The following GABRA2 variants were observed in gnomAD, a reference collection of about 807,000 sequenced individuals.
GABRA2 encodes the protein gamma-aminobutyric acid type A receptor subunit alpha2, also known as gamma-aminobutyric acid receptor subunit alpha-2.
A neutral mutation model predicts 48.7 loss-of-function variants in GABRA2; 16 were observed. The ratio of observed to expected loss-of-function variants is 0.33; its 90% CI spans 0.22 to 0.50. The LOEUF is 0.50. Among genes scored for constraint, GABRA2 ranks in the 20% least tolerant of loss-of-function variants. The probability of loss-of-function intolerance (pLI) is 0.98; values close to 1 mark genes in which losing one functional copy is unlikely to be tolerated. For synonymous variants in GABRA2, 185 were observed against 184.5 expected, an observed-to-expected ratio of 1.00 and a Z score of -0.02; for missense variants, 275 against 535.6, an observed-to-expected ratio of 0.51 and a Z score of 4.80.
At chr4:46,282,574 A>G (rs1377478152) in intron 8 of GABRA2, among the ~76,000 whole-genome samples, 1 of 152,208 alleles carries the variant, frequency 6.6e-6, no homozygotes, top group Admixed American at 6.5e-5. Context: ...CCCTTCAAAC[A>G]AAATCAAACA....
At chr4:46,272,384 A>G (rs1719506398) in intron 8 of GABRA2, among the ~76,000 whole-genome samples, 1 of 152,034 alleles carries the variant, frequency 6.6e-6, no homozygotes, top group Non-Finnish European at 1.5e-5. Context: ...TCTGTAATCA[A>G]TAAATATTTA....
chr4:46,375,552 C>A (rs886314869), intron 3 of GABRA2, among the ~76,000 whole-genome samples: 1 of 152,068 alleles, frequency 6.6e-6, no homozygotes. Flanking sequence ...ACTTAAACAC[C>A]CTCGACATCC....
intron 3 of GABRA2, among the ~76,000 whole-genome samples, chr4:46,337,411 A>G (rs1732443888): frequency 6.6e-6 from 1 of 152,052 alleles, no homozygotes; most frequent in African/African-American, 2.4e-5. Context: ...AGAGGATGGA[A>G]TGAGGTTGTA....
chr4:46,299,183 C>T (rs1330713124), intron 8 of GABRA2, among the ~76,000 whole-genome samples: 1 of 151,506 alleles, frequency 6.6e-6, no homozygotes, highest in Non-Finnish European at 1.5e-5. Flanking sequence ...TAATAACAAG[C>T]AAATGTTTAT....
intron 3 of GABRA2, among the ~76,000 whole-genome samples, chr4:46,375,140 A>G (rs990352491): frequency 5.3e-5 from 8 of 152,104 alleles, no homozygotes; most frequent in Non-Finnish European, 1.2e-4. Context: ...AATTACTTAA[A>G]CTGCAAAATC....
chr4:46,339,331 T>C (rs551690884), intron 3 of GABRA2, among the ~76,000 whole-genome samples: 1 of 152,014 alleles, frequency 6.6e-6, no homozygotes, highest in Admixed American at 6.6e-5. Flanking sequence ...ATTTCCATTA[T>C]CACAGAAAGT....
intron 7 of GABRA2, among the ~76,000 whole-genome samples, chr4:46,304,983 A>G (rs1419730794): frequency 6.6e-6 from 1 of 151,670 alleles, no homozygotes; most frequent in Admixed American, 6.6e-5. Flanking sequence ...TACTACTCTG[A>G]GAAGACACAT....
At chr4:46,309,889 G>A (rs1727339987) in intron 6 of GABRA2, among the ~76,000 whole-genome samples, 1 of 151,994 alleles carries the variant, frequency 6.6e-6, no homozygotes. Flanking sequence ...GAAAAAGAAG[G>A]TAAATTACAG....
At chr4:46,337,740 G>A (rs971887762) in intron 3 of GABRA2, among the ~76,000 whole-genome samples, 7 of 151,758 alleles carry the variant, frequency 4.6e-5, no homozygotes, top group Non-Finnish European at 8.8e-5. Flanking sequence ...GCAGGGATAG[G>A]CCCTTTGGTT....
chr4:46,279,945 G>T (rs529088113), intron 8 of GABRA2, among the ~76,000 whole-genome samples: 1 of 151,788 alleles, frequency 6.6e-6, no homozygotes, highest in Non-Finnish European at 1.5e-5. Flanking sequence ...ATAAGTTTTC[G>T]AATGGATTTT....
chr4:46,358,371 T>C (rs943067236), intron 3 of GABRA2, among the ~76,000 whole-genome samples: 3 of 152,240 alleles, frequency 2.0e-5, no homozygotes, highest in African/African-American at 7.2e-5. Context: ...GTAGGAATTA[T>C]TTTCTGACTT....
At chr4:46,352,706 G>A (rs953550230) in intron 3 of GABRA2, among the ~76,000 whole-genome samples, 1 of 152,020 alleles carries the variant, frequency 6.6e-6, no homozygotes, top group Non-Finnish European at 1.5e-5. Context: ...TCCATTCACT[G>A]TAGAGTACTT....
intron 8 of GABRA2, among the ~76,000 whole-genome samples, chr4:46,296,888 C>G (rs1287629571): frequency 6.6e-6 from 1 of 152,126 alleles, no homozygotes; most frequent in Middle Eastern, 3.2e-3. Context: ...TTTCGTTTTT[C>G]ATGCTGTACA....
chr4:46,250,446 T>C lies in GABRA2; in HGVS notation c.1218A>G (p.Glu406=). 6.2e-7 allele frequency: 1 copy of C among 1,612,116 alleles called. No individual in the cohort carries two copies. The highest frequency in any genetic ancestry group is 8.5e-7 in the Non-Finnish European group (1 of 1,178,688). Residue 406 remains glutamate (E), a synonymous_variant, in exon 10 of 10, where the codon GAA becomes GAG. Coordinates refer to ENST00000381620, the MANE Select transcript of GABRA2 (RefSeq NM_000807.4). The stretch of plus-strand genomic sequence containing the variant: ...TAACACTGTTGAAAGTTTTCTTTGC[T>C]TCAGCTGGCTTGTTTTCTGGCTTCT... ...PNKKPENKPA[E]AKKTFNSVSK...
intron 3 of GABRA2, among the ~76,000 whole-genome samples, chr4:46,362,313 T>C (rs1387887787): frequency 6.6e-6 from 1 of 152,168 alleles, no homozygotes; most frequent in African/African-American, 2.4e-5. Context: ...ACAAGCTCTC[T>C]CTCTGCCTGC....
At chr4:46,364,603 T>C (rs1281348244) in intron 3 of GABRA2, 1 of 152,216 alleles carries the variant, frequency 6.6e-6, no homozygotes, top group African/African-American at 2.4e-5. Context: ...CTTGCAGCTG[T>C]AGAATTAAGA....
At chr4:46,296,017 T>C (rs1240569165) in intron 8 of GABRA2, among the ~76,000 whole-genome samples, 11 of 152,158 alleles carry the variant, frequency 7.2e-5, no homozygotes, top group Non-Finnish European at 1.3e-4. Context: ...ATGTTCCCCA[T>C]CATCCTGAAG....
In GABRA2 at chr4:46,247,915, G is replaced by A. The variant is rs1286168590; in HGVS notation, c.*2393C>T. On this transcript the variant is annotated 3_prime_UTR_variant, in exon 10 of 10. Coordinates refer to ENST00000381620, the MANE Select transcript of GABRA2 (RefSeq NM_000807.4). ...GTTTAAAGAAATAACAAAGAATTCT[G>A]ATCCCTAGCACTGAAAAATCTGAAC... Among the ~76,000 whole-genome samples the A allele has an allele frequency of 6.6e-6, 1 of 151,092 alleles. No homozygotes were observed.
chr4:46,375,384 T>G (rs369489537), intron 3 of GABRA2, among the ~76,000 whole-genome samples: 146 of 152,324 alleles, frequency 9.6e-4, no homozygotes, highest in Non-Finnish European at 1.8e-3. Context: ...TCTCATCATA[T>G]AACTCTTCAT....
Sources: allele counts gnomAD v4.1 joint callset (sites outside exome capture counted in the v4.1 genomes callset), GRCh38; gene constraint gnomAD v4.1.1; transcripts MANE v1.5; gene names NCBI Gene and HGNC (gene_info 2026-07-23, HGNC 2026-07-21).